Variants in CCDC39 observed in about 807,000 individuals in gnomAD.
CCDC39 encodes coiled-coil domain-containing protein 39.
A neutral mutation model predicts 121.0 loss-of-function variants in CCDC39; 113 were observed. The ratio of observed to expected loss-of-function variants is 0.93; its 90% CI spans 0.80 to 1.09. The LOEUF is 1.09. CCDC39 is among the 50% of genes least tolerant of loss of function. CCDC39 has a pLI of 0.00. For missense variants in CCDC39, 1,063 were observed against 1,074.7 expected (o/e 0.99, Z 0.15); for synonymous variants, 349 against 352.2 (o/e 0.99, Z 0.10).
At chr3:180,616,034 G>A (rs1403144600) in intron 19 of CCDC39, among the ~76,000 whole-genome samples, 1 of 152,188 alleles carries the variant, frequency 6.6e-6, no homozygotes, top group Non-Finnish European at 1.5e-5. Context: ...ATAGCTCATA[G>A]TCACAGAGCA....
chr3:180,679,259 T>G lies in CCDC39; in HGVS notation c.90+32A>C, dbSNP rs1365358161. 1.3e-6 allele frequency: 2 copies of G among 1,585,318 alleles called. No homozygotes were observed. The highest frequency in any genetic ancestry group is 1.7e-6 in the Non-Finnish European group (2 of 1,153,752). On this transcript the variant is annotated intron_variant, in intron 1 of 19. Coordinates refer to ENST00000476379, the MANE Select transcript of CCDC39 (RefSeq NM_181426.2). This position sits in a 1 kb window ranked among gnomAD's most constrained non-coding sequence, Gnocchi z 4.0. ...GAAAACGCCCCCAACAGGCTCTCTCTGCTTCCTCCCGCCTGCTTCAATTGA... is the reference window on the plus strand; with the variant it reads ...GAAAACGCCCCCAACAGGCTCTCTCGGCTTCCTCCCGCCTGCTTCAATTGA...
chr3:180,670,619 C>A (rs1300454721), intron 1 of CCDC39, among the ~76,000 whole-genome samples: 1 of 150,702 alleles, frequency 6.6e-6, no homozygotes, highest in Non-Finnish European at 1.5e-5. Context: ...ATGTAAAGTA[C>A]CACAGTGCCT....
intron 1 of CCDC39, among the ~76,000 whole-genome samples, chr3:180,675,236 C>T (rs1025963313): frequency 6.6e-6 from 1 of 152,108 alleles, no homozygotes; most frequent in African/African-American, 2.4e-5. Context: ...GGAATGTATC[C>T]ATTTCTTCTA....
At position 180,679,260 on chromosome 3, in the gene CCDC39, G is replaced by GCTC. The variant is rs770830142; in HGVS notation, c.90+30_90+31insGAG. The GCTC allele has an allele frequency of 3.2e-6, 5 of 1,585,568 alleles. No homozygotes were observed. The East Asian group carries it at 8.9e-5, about 28-fold the overall frequency. Reference sequence around the variant, plus strand: ...AAAACGCCCCCAACAGGCTCTCTCTGCTTCCTCCCGCCTGCTTCAATTGAT... The same window carrying GCTC: ...AAAACGCCCCCAACAGGCTCTCTCTGCTCCTTCCTCCCGCCTGCTTCAATTGAT... On this transcript the variant is annotated intron_variant, in intron 1 of 19. Transcript: ENST00000476379. The surrounding 1 kb of genome is among the most constrained non-coding windows in gnomAD (Gnocchi z 4.0).
intron 2 of CCDC39, 75 bp from the exon 3 acceptor site, chr3:180,662,082 A>G (rs1560092852): frequency 1.7e-5 from 24 of 1,385,256 alleles, no homozygotes; most frequent in Non-Finnish European, 2.3e-5. Flanking sequence ...ATAATAATCC[A>G]TTAGATTAAA....
intron 8 of CCDC39, 147 bp from the exon 9 acceptor site, chr3:180,651,680 C>T (rs949524782): frequency 3.0e-6 from 2 of 677,858 alleles, no homozygotes; most frequent in African/African-American, 3.8e-5. Flanking sequence ...ATTTAATAGA[C>T]CATAAAAATA....
At chr3:180,646,296 A>G (rs1033194868) in intron 11 of CCDC39, among the ~76,000 whole-genome samples, 8 of 152,158 alleles carry the variant, frequency 5.3e-5, no homozygotes, top group Non-Finnish European at 7.4e-5. Flanking sequence ...AAAAAAAGTA[A>G]TAACTCTCCA....
chr3:180,639,306 G>A (rs904525078), intron 13 of CCDC39, among the ~76,000 whole-genome samples: 4 of 152,138 alleles, frequency 2.6e-5, no homozygotes, highest in Non-Finnish European at 4.4e-5. Context: ...GACAGTGTCT[G>A]TGGCTGCTTT....
chr3:180,616,825 C>A lies in CCDC39; in HGVS notation c.2406+1G>T. ...GGTCAGTTTTTAAAAGATATCGATA[C>A]CTGTTTGGTCACTCTTTCTAATTTT... On this transcript the variant is annotated splice_donor_variant, in intron 17 of 19. Coordinates refer to ENST00000476379, the MANE Select transcript of CCDC39 (RefSeq NM_181426.2). LOFTEE classifies it high-confidence loss of function. The A allele has an allele frequency of 6.2e-7, 1 of 1,609,512 alleles. No homozygotes were observed. The highest frequency in any genetic ancestry group is 2.2e-5 in the East Asian group (1 of 44,750).
At position 180,616,693 on chromosome 3, in the gene CCDC39, A is replaced by G. The variant is rs201601768; in HGVS notation, c.2409T>C (p.Cys803=). 308 of 1,586,802 alleles carry G rather than the reference A, an allele frequency of 1.9e-4. 2 individuals are homozygous for G. In the African/African-American group the frequency reaches 3.9e-3, roughly 20 times the overall value. The change falls in exon 18 of 20, where the codon TGT becomes TGC. Residue 803 remains cysteine (C), a splice_region_variant and synonymous_variant. Transcript: ENST00000476379. ...GACGGATTTCCTTTGTGAGTTTTGCACACTGTTGGTAAATAATAGTCAATT... is the reference window on the plus strand; with the variant it reads ...GACGGATTTCCTTTGTGAGTTTTGCGCACTGTTGGTAAATAATAGTCAATT... ...KPKLERVTKQ[C]AKLTKEIRLL...
At position 180,619,942 on chromosome 3, in the gene CCDC39, C is replaced by CT; in HGVS notation, c.2026dup (p.Arg676LysfsTer4). ...CTTGGCATCCAAACAGTCACCTTCC[C>CT]TTTGAAGTTCTTCTTTTTCTTGAGC... On this transcript the variant is annotated frameshift_variant, in exon 15 of 20. Transcript: ENST00000476379. LOFTEE classifies it high-confidence loss of function. 1 of 1,607,688 alleles carries CT rather than the reference C, an allele frequency of 6.2e-7. No homozygotes were observed.
intron 2 of CCDC39, among the ~76,000 whole-genome samples, chr3:180,663,531 G>A (rs955952640): frequency 6.6e-6 from 1 of 151,818 alleles, no homozygotes; most frequent in Admixed American, 6.6e-5. Flanking sequence ...AAATTAGCTG[G>A]GGGTGGTGGG....
At chr3:180,645,254 C>T (rs1281107591) in intron 11 of CCDC39, among the ~76,000 whole-genome samples, 3 of 152,098 alleles carry the variant, frequency 2.0e-5, no homozygotes, top group Non-Finnish European at 4.4e-5. Context: ...CATACATAAT[C>T]ACATATTGCT....
At chr3:180,640,013 A>C (rs1162023679) in intron 13 of CCDC39, among the ~76,000 whole-genome samples, 2 of 152,064 alleles carry the variant, frequency 1.3e-5, no homozygotes, top group African/African-American at 4.8e-5. Flanking sequence ...TGAAAATGCA[A>C]TCCGAACTAT....
intron 1 of CCDC39, among the ~76,000 whole-genome samples, chr3:180,675,874 G>A (rs952215651): frequency 6.6e-6 from 1 of 150,706 alleles, no homozygotes; most frequent in Non-Finnish European, 1.5e-5. Flanking sequence ...TGACAAACCT[G>A]ACAAAAACAA....
At chr3:180,639,675 T>C (rs1407396845) in intron 13 of CCDC39, among the ~76,000 whole-genome samples, 1 of 152,016 alleles carries the variant, frequency 6.6e-6, no homozygotes, top group Non-Finnish European at 1.5e-5. Context: ...ATACTTTGAG[T>C]ACAGTGTACA....
intron 19 of CCDC39, among the ~76,000 whole-genome samples, chr3:180,616,006 C>A (rs938637774): frequency 4.0e-5 from 6 of 150,640 alleles, no homozygotes; most frequent in Admixed American, 3.9e-4. Context: ...AAATTTATTT[C>A]TGTTTTATCC....
intron 12 of CCDC39, 61 bp downstream of exon 12, chr3:180,644,059 G>T: frequency 3.2e-6 from 4 of 1,244,248 alleles, no homozygotes; most frequent in Non-Finnish European, 4.4e-6. Flanking sequence ...TTTTTCATTT[G>T]TCTACAATTA....
chr3:180,646,928 A>G (rs1390142971), intron 11 of CCDC39, 151 bp downstream of exon 11: 1 of 650,088 alleles, frequency 1.5e-6, no homozygotes, highest in East Asian at 2.8e-5. Context: ...ATTACACACT[A>G]ATAGTACAAA....
Sources: gnomAD v4.1 joint callset for allele counts (sites outside exome capture counted in the v4.1 genomes callset) on GRCh38, gnomAD v4.1.1 for gene constraint, Gnocchi (gnomAD v3.1) non-coding constraint, MANE v1.5 for transcripts, NCBI Gene and HGNC (gene_info 2026-07-23, HGNC 2026-07-21) for gene names.